ZCCHC2: variants seen among roughly 807,000 people sequenced by gnomAD.
ZCCHC2 encodes zinc finger CCHC-type containing 2, also known as zinc finger CCHC domain-containing protein 2.
ZCCHC2 carries 39 observed loss-of-function variants against 103.6 expected under a neutral mutation model. The ratio of observed to expected loss-of-function variants is 0.38; its 90% CI spans 0.29 to 0.49. The LOEUF (loss-of-function observed/expected upper bound fraction) is 0.49, where lower values mean the gene tolerates loss of function less well. ZCCHC2 is among the 20% of genes least tolerant of loss of function. The pLI, the probability that ZCCHC2 is intolerant of heterozygous loss-of-function variation, is 0.96. For missense variants in ZCCHC2, 1,483 were observed against 1,491.0 expected (o/e 0.99, Z 0.09); for synonymous variants, 687 against 608.9 (o/e 1.13, Z -1.89).
chr18:62,549,541 C>G (rs1915574817), intron 4 of ZCCHC2, among the ~76,000 whole-genome samples: 2 of 152,106 alleles, frequency 1.3e-5, no homozygotes, highest in South Asian at 4.1e-4. Context: ...GTTAATGGTT[C>G]TACTCTGAAT....
Position 62,523,333 on chromosome 18 carries a change from C to A in ZCCHC2, c.-92C>A, listed in dbSNP as rs1046633164. 25 of 986,436 alleles carry A rather than the reference C, an allele frequency of 2.5e-5. No individual in the cohort carries two copies. In the East Asian group the frequency reaches 3.4e-4, roughly 13 times the overall value. 61.1% of individuals were successfully genotyped at this position (986,436 alleles called of 1,614,324 possible). A position where few individuals can be genotyped will look rare whatever the true frequency, so the allele number is the denominator to read the frequency against. ...CCCGGCGGCATGGAGGGGCCCCGCT[C>A]CTGACGGCCGCGCCGCCGCCTCGGC... On this transcript the variant is annotated 5_prime_UTR_variant, in exon 1 of 14. Transcript: ENST00000269499.
Position 62,524,056 on chromosome 18 carries a change from A to G in ZCCHC2, c.632A>G (p.Glu211Gly). 1 of 1,477,978 alleles carries G rather than the reference A, an allele frequency of 6.8e-7. No individual in the cohort carries two copies. Among genetic ancestry groups the G allele is most frequent in the South Asian group, 1.3e-5 (1 of 74,198 alleles). 91.6% of individuals were successfully genotyped at this position (1,477,978 alleles called of 1,614,324 possible). A position where few individuals can be genotyped will look rare whatever the true frequency, so the allele number is the denominator to read the frequency against. ...AAAAGCCTGCGCGCGGCCCGGGGCG[A>G]GGGCTCGCGGGGCGGCGCGGAGGAC... ...VLKSLRAARG[E>G]GSRGGAEDER... The change falls in exon 1 of 14, where the codon GAG becomes GGG. Residue 211 changes from glutamate to glycine, a missense_variant. Glu to Gly is a moderately conservative substitution (Grantham distance 98). Transcript: ENST00000269499.
chr18:62,532,301 A>C (rs1245494537), intron 1 of ZCCHC2, among the ~76,000 whole-genome samples: 1 of 152,202 alleles, frequency 6.6e-6, no homozygotes, highest in East Asian at 1.9e-4. Flanking sequence ...GATGACCTTG[A>C]TCGTCTTCTC....
At chr18:62,542,043 A>T (rs531324569) in intron 2 of ZCCHC2, among the ~76,000 whole-genome samples, 6 of 152,256 alleles carry the variant, frequency 3.9e-5, no homozygotes, top group East Asian at 1.9e-4. Context: ...GTAGTTTTTT[A>T]AAAAAATTAA....
intron 3 of ZCCHC2, 68 bp downstream of exon 3, chr18:62,542,642 C>G: frequency 2.2e-6 from 3 of 1,367,986 alleles, no homozygotes; most frequent in Non-Finnish European, 3.0e-6. Context: ...AAACTTGTGG[C>G]AGGTTTGCTA....
chr18:62,557,084 A>G (rs753540751), intron 6 of ZCCHC2, among the ~76,000 whole-genome samples: 13 of 152,208 alleles, frequency 8.5e-5, no homozygotes, highest in Non-Finnish European at 1.9e-4. Flanking sequence ...ACCTGTTTTA[A>G]GGCCCAGCTG....
chr18:62,541,061 A>G (rs1161148195), intron 2 of ZCCHC2, among the ~76,000 whole-genome samples: 1 of 152,232 alleles, frequency 6.6e-6, no homozygotes, highest in African/African-American at 2.4e-5. Flanking sequence ...TTATTTCTGA[A>G]TATAAGATTA....
At chr18:62,568,827 A>G (rs1916477541) in intron 11 of ZCCHC2, among the ~76,000 whole-genome samples, 1 of 152,200 alleles carries the variant, frequency 6.6e-6, no homozygotes, top group Non-Finnish European at 1.5e-5. Context: ...CAAGTTCTAT[A>G]GGTTTCATCA....
exon 15 of ZCCHC2, chr18:62,585,604 T>G (rs1460627310): frequency 6.6e-6 from 1 of 152,198 alleles, no homozygotes; most frequent in Non-Finnish European, 1.5e-5. Flanking sequence ...ACAAAATCAG[T>G]TGTACAAGAG....
intron 5 of ZCCHC2, among the ~76,000 whole-genome samples, chr18:62,553,319 C>G (rs117907533): frequency 0.015 from 2,278 of 152,088 alleles, 33 homozygotes; most frequent in Non-Finnish European, 0.024. Flanking sequence ...AAGATGGCTA[C>G]TTTATTTGCT....
At chr18:62,576,377 A>G in intron 13 of ZCCHC2, 135 bp from the exon 14 acceptor site, 1 of 653,206 alleles carries the variant, frequency 1.5e-6, no homozygotes, top group East Asian at 2.8e-5. Context: ...AAGTGAGCGG[A>G]TTGGCCATTT....
At position 62,543,009 on chromosome 18, in the gene ZCCHC2, G is replaced by A. The variant is rs77876743; in HGVS notation, c.1128+435G>A. 9.7e-3 allele frequency among the ~76,000 whole-genome samples: 1,473 copies of A among 152,226 alleles called. 11 individuals carry two copies. The highest frequency in any genetic ancestry group is 0.016 in the Non-Finnish European group (1,075 of 68,016). ...TGGTGCCCGTCCTTTCCACAGCTGG[G>A]ATTAGCTGTAGAGCCCAGCTCTGAT... On this transcript the variant is annotated intron_variant, in intron 3 of 13. Transcript: ENST00000269499.
chr18:62,573,035 C>T (rs914412107), intron 12 of ZCCHC2, among the ~76,000 whole-genome samples: 11 of 152,062 alleles, frequency 7.2e-5, no homozygotes, highest in Admixed American at 7.2e-4. Flanking sequence ...CAGTAAGTAG[C>T]TTTCATTTAA....
In ZCCHC2 at chr18:62,577,599, T is replaced by C. The variant is rs934472451; in HGVS notation, c.*1020T>C. 49 of 152,770 alleles carry C rather than the reference T, an allele frequency of 3.2e-4. 1 individual carries two copies. The highest frequency in any genetic ancestry group is 9.6e-4 in the African/African-American group (40 of 41,580). The allele number at this position is 152,770 out of a possible 1,614,324, so 9.5% of individuals were successfully genotyped here. The stretch of plus-strand genomic sequence containing the variant: ...TATGGGTTTCTACCATAAGTCAGGT[T>C]GTTTGTTCCCTAACCTGTCTCTCAT... On this transcript the variant is annotated 3_prime_UTR_variant, in exon 14 of 14. Transcript: ENST00000269499.
chr18:62,583,462 G>A (rs1917087080), downstream of ZCCHC2, among the ~76,000 whole-genome samples: 1 of 152,134 alleles, frequency 6.6e-6, no homozygotes, highest in Non-Finnish European at 1.5e-5. Context: ...AGATGAGAAA[G>A]CACGGTGTAA....
intron 5 of ZCCHC2, 54 bp downstream of exon 5, chr18:62,550,514 G>T (rs1213555654): frequency 7.5e-7 from 1 of 1,328,012 alleles, no homozygotes; most frequent in Admixed American, 2.1e-5. Context: ...ACAAAGGGCC[G>T]CTCCAAATGG....
At chr18:62,571,190 A>C (rs1322378142) in intron 12 of ZCCHC2, among the ~76,000 whole-genome samples, 1 of 145,514 alleles carries the variant, frequency 6.9e-6, no homozygotes, top group Non-Finnish European at 1.5e-5. Context: ...GCTGTAACAC[A>C]GAGTGAGTGC....
At chr18:62,551,959 C>G (rs1915682806) in intron 5 of ZCCHC2, 1 of 151,930 alleles carries the variant, frequency 6.6e-6, no homozygotes, top group Non-Finnish European at 1.5e-5. Flanking sequence ...CTGTTACGGC[C>G]CCCCTCCTGA....
chr18:62,527,441 T>C (rs1275794107), intron 1 of ZCCHC2, among the ~76,000 whole-genome samples: 2 of 152,222 alleles, frequency 1.3e-5, no homozygotes, highest in African/African-American at 2.4e-5. Context: ...TATATACTTT[T>C]TAGGCTACAT....
Sources: allele counts gnomAD v4.1 joint callset (sites outside exome capture counted in the v4.1 genomes callset), GRCh38; gene constraint gnomAD v4.1.1; transcripts MANE v1.5; gene names NCBI Gene and HGNC (gene_info 2026-07-23, HGNC 2026-07-21).